The following ADCY3 variants were observed in gnomAD, a reference collection of about 807,000 sequenced individuals.
ADCY3 encodes the protein adenylate cyclase type 3.
A neutral mutation model predicts 119.4 loss-of-function variants in ADCY3; 70 were observed. The observed-to-expected ratio is 0.59, with a 90% CI of 0.48 to 0.72. The LOEUF (loss-of-function observed/expected upper bound fraction) is 0.72, where lower values mean the gene tolerates loss of function less well. ADCY3 is among the 30% of genes least tolerant of loss of function. ADCY3 has a pLI of 0.00. For missense variants in ADCY3, 1,238 were observed against 1,541.6 expected, an observed-to-expected ratio of 0.80 and a Z score of 3.30; for synonymous variants, 672 against 621.4, an observed-to-expected ratio of 1.08 and a Z score of -1.21.
intron 3 of ADCY3, among the ~76,000 whole-genome samples, chr2:24,870,733 G>A (rs1171753563): frequency 1.3e-5 from 2 of 152,212 alleles, no homozygotes; most frequent in Non-Finnish European, 2.9e-5. Flanking sequence ...CTGCCCAGAG[G>A]AAGCATATGG....
At chr2:24,917,236 T>C (rs1664568954) in intron 2 of ADCY3, among the ~76,000 whole-genome samples, 1 of 152,226 alleles carries the variant, frequency 6.6e-6, no homozygotes, top group Non-Finnish European at 1.5e-5. Flanking sequence ...GGGCACGCCC[T>C]GCCTCTCCTG....
rs1672537471 is a variant in ADCY3, at chr2:24,853,008, GTGTGT to G, written c.826-10629_826-10625del. Among the ~76,000 whole-genome samples, 633 of 87,572 alleles carry G rather than the reference GTGTGT, an allele frequency of 7.2e-3. 19 individuals are homozygous for G. The highest frequency in any genetic ancestry group is 0.025 in the Middle Eastern group (4 of 162). The allele number at this position is 87,572 out of a possible 152,430, so 57.5% of individuals were successfully genotyped here. A position where few individuals can be genotyped will look rare whatever the true frequency, so the allele number is the denominator to read the frequency against. ...TGAAGGAAAGGAACAGCTGGAGGGT[GTGTGT>G]GTGTGTGTGTGTGTGTGTGTGTGTG... On this transcript the variant is annotated intron_variant, in intron 3 of 21. Coordinates refer to ENST00000679454, the MANE Select transcript of ADCY3 (RefSeq NM_004036.5).
chr2:24,830,883 G>C (rs762007803), intron 12 of ADCY3, 58 bp from the exon 13 acceptor site: 1 of 1,352,004 alleles, frequency 7.4e-7, no homozygotes, highest in Non-Finnish European at 1.1e-6. Flanking sequence ...CTCCTGCGAC[G>C]TGACTGACAG....
chr2:24,826,285 G>A (rs1319280635), intron 15 of ADCY3, 159 bp from the exon 16 acceptor site: 6 of 636,770 alleles, frequency 9.4e-6, no homozygotes, highest in Non-Finnish European at 1.1e-5. Flanking sequence ...CCCCCGGGCA[G>A]TAAAATTTTC....
At chr2:24,910,642 ATTTCC>A in intron 2 of ADCY3, among the ~76,000 whole-genome samples, 1 of 148,746 alleles carries the variant, frequency 6.7e-6, no homozygotes, top group South Asian at 2.1e-4. Flanking sequence ...GCAATTTAAT[ATTTCC>A]TTTCTTTTCT....
At chr2:24,888,426 C>T (rs1027036701) in intron 2 of ADCY3, among the ~76,000 whole-genome samples, 3 of 152,328 alleles carry the variant, frequency 2.0e-5, no homozygotes, top group Admixed American at 6.5e-5. Context: ...AGCCACCTGC[C>T]GGTGCTGAAC....
chr2:24,869,103 A>G (rs2148791774), intron 3 of ADCY3, among the ~76,000 whole-genome samples: 1 of 152,334 alleles, frequency 6.6e-6, no homozygotes, highest in Middle Eastern at 3.4e-3. Flanking sequence ...AACAGGCTAA[A>G]ACAATAAGCC....
intron 2 of ADCY3, among the ~76,000 whole-genome samples, chr2:24,900,356 A>T (rs1464914024): frequency 7.0e-6 from 1 of 143,086 alleles, no homozygotes; most frequent in Non-Finnish European, 1.5e-5. Flanking sequence ...AAAAAAAAAA[A>T]AATAAATAAA....
intron 3 of ADCY3, among the ~76,000 whole-genome samples, chr2:24,846,245 T>A (rs1312920761): frequency 6.6e-6 from 1 of 152,094 alleles, no homozygotes; most frequent in African/African-American, 2.4e-5. Flanking sequence ...CACCGACACC[T>A]TGGCACCATG....
At position 24,918,527 on chromosome 2, in the gene ADCY3, T is replaced by C. The variant is rs932025858; in HGVS notation, c.461A>G (p.Tyr154Cys). 6.2e-7 allele frequency: 1 copy of C among 1,613,878 alleles called. No individual in the cohort carries two copies. The highest frequency in any genetic ancestry group is 8.5e-7 in the Non-Finnish European group (1 of 1,179,910). The change falls in exon 2 of 22, where the codon TAC becomes TGC. Residue 154 changes from tyrosine (Y) to cysteine (C), a missense_variant. By Grantham distance (194) the Tyr-to-Cys change is radical. Transcript: ENST00000679454. This position sits in a 1 kb window ranked among gnomAD's most constrained non-coding sequence, Gnocchi z 5.4. Reference protein sequence around the residue: ...WLLITAQIFSYLGLNFARAHA... With the variant: ...WLLITAQIFSCLGLNFARAHA... ...GGCACGCGCGAAGTTCAGGCCCAGGTAGGAGAAGATCTGGGCGGTTATGAG... is the reference window on the plus strand; with the variant it reads ...GGCACGCGCGAAGTTCAGGCCCAGGCAGGAGAAGATCTGGGCGGTTATGAG...
In ADCY3 at chr2:24,919,471, C is replaced by T. The variant is rs899311113; in HGVS notation, c.-198+212G>A. 1.2e-5 allele frequency: 2 copies of T among 160,396 alleles called. No homozygotes were observed. The highest frequency in any genetic ancestry group is 2.4e-5 in the African/African-American group (1 of 41,550). The allele number at this position is 160,396 out of a possible 1,614,324, so 9.9% of individuals were successfully genotyped here. On this transcript the variant is annotated intron_variant, in intron 1 of 21. Transcript: ENST00000679454. The surrounding 1 kb of genome is among the most constrained non-coding windows in gnomAD (Gnocchi z 5.5). ...CTTCTTTCTCAGTCCCCGACTTCCT[C>T]ACCTAAATTCCCTCCAGGCCCAGTC...
intron 3 of ADCY3, among the ~76,000 whole-genome samples, chr2:24,864,950 CCA>C (rs1674102527): frequency 6.6e-6 from 1 of 152,132 alleles, no homozygotes. Context: ...TTTTATTCTT[CCA>C]CAGATACACT....
At chr2:24,910,323 T>C (rs1450733004) in intron 2 of ADCY3, among the ~76,000 whole-genome samples, 1 of 152,110 alleles carries the variant, frequency 6.6e-6, no homozygotes, top group African/African-American at 2.4e-5. Flanking sequence ...GCCTTCTGAG[T>C]AGCTGGGACT....
chr2:24,863,535 A>G (rs1172037833), intron 3 of ADCY3, among the ~76,000 whole-genome samples: 1 of 152,168 alleles, frequency 6.6e-6, no homozygotes, highest in Non-Finnish European at 1.5e-5. Context: ...CCCTCTAGAG[A>G]ACCCTAATAC....
At chr2:24,887,189 C>G (rs145376838) in intron 2 of ADCY3, among the ~76,000 whole-genome samples, 1 of 152,060 alleles carries the variant, frequency 6.6e-6, no homozygotes, top group Non-Finnish European at 1.5e-5. Context: ...ACGTGCCGAG[C>G]GAAAGGGGAA....
intron 3 of ADCY3, among the ~76,000 whole-genome samples, chr2:24,861,022 A>G (rs1291599407): frequency 2.6e-5 from 4 of 152,214 alleles, no homozygotes. Flanking sequence ...AGGCCAAGGC[A>G]GGCAGATCAC....
In ADCY3 at chr2:24,834,421, C is replaced by T; in HGVS notation, c.1967+64G>A. 5.3e-6 allele frequency: 5 copies of T among 938,440 alleles called. No homozygotes were observed. Among genetic ancestry groups the T allele is most frequent in the South Asian group, 1.5e-5 (1 of 67,530 alleles). 58.1% of individuals were successfully genotyped at this position (938,440 alleles called of 1,614,324 possible). On this transcript the variant is annotated intron_variant, in intron 11 of 21. Coordinates refer to ENST00000679454, the MANE Select transcript of ADCY3 (RefSeq NM_004036.5). This position sits in a 1 kb window ranked among gnomAD's most constrained non-coding sequence, Gnocchi z 4.2. Reference sequence around the variant, plus strand: ...CAGGCTCCCGCTGAGACACCTGCCCCCGCCCCCCGCCCGGCACCACCGCAG... The same window carrying T: ...CAGGCTCCCGCTGAGACACCTGCCCTCGCCCCCCGCCCGGCACCACCGCAG...
At chr2:24,868,364 G>A (rs1207443954) in intron 3 of ADCY3, among the ~76,000 whole-genome samples, 2 of 152,214 alleles carry the variant, frequency 1.3e-5, no homozygotes, top group Admixed American at 6.5e-5. Flanking sequence ...AAGAAAGGCT[G>A]AAAATCGGTC....
At chr2:24,861,552 T>C (rs577552007) in intron 3 of ADCY3, among the ~76,000 whole-genome samples, 2 of 152,292 alleles carry the variant, frequency 1.3e-5, no homozygotes, top group Admixed American at 1.3e-4. Flanking sequence ...CAAAGTGTTT[T>C]TCCATCTATT....
Sources: gnomAD v4.1 joint callset for allele counts (sites outside exome capture counted in the v4.1 genomes callset) on GRCh38, gnomAD v4.1.1 for gene constraint, Gnocchi (gnomAD v3.1) non-coding constraint, MANE v1.5 for transcripts, NCBI Gene and HGNC (gene_info 2026-07-23, HGNC 2026-07-21) for gene names.